Variants in HAO1 observed in about 807,000 individuals in gnomAD.
The protein encoded by HAO1 is 2-Hydroxyacid oxidase 1.
Under a neutral mutation model 39.7 loss-of-function variants are expected in HAO1, and 34 were observed. The observed-to-expected ratio is 0.86, with a 90% confidence interval of 0.65 to 1.14. The LOEUF (loss-of-function observed/expected upper bound fraction) is 1.14. Among genes scored for constraint, HAO1 ranks in the 50% most tolerant of loss-of-function variants. HAO1 has a pLI of 0.00. For missense variants in HAO1, 479 were observed against 464.5 expected, an observed-to-expected ratio of 1.03 and a Z score of -0.29; for synonymous variants, 172 against 173.2, an observed-to-expected ratio of 0.99 and a Z score of 0.05.
intron 4 of HAO1, 130 bp from the exon 5 acceptor site, chr20:7,895,354 A>T: frequency 1.6e-6 from 1 of 640,660 alleles, no homozygotes; most frequent in East Asian, 2.6e-5. Context: ...ATCTTAGCAT[A>T]AAAGTATACC....
chr20:7,926,240 G>A (rs2050358755), intron 2 of HAO1, among the ~76,000 whole-genome samples: 1 of 152,200 alleles, frequency 6.6e-6, no homozygotes. Flanking sequence ...CTTCTCTACT[G>A]TCAAACAGAA....
At chr20:7,929,661 C>A (rs2050377192) in intron 2 of HAO1, among the ~76,000 whole-genome samples, 1 of 152,096 alleles carries the variant, frequency 6.6e-6, no homozygotes, top group African/African-American at 2.4e-5. Flanking sequence ...GTCAGGAGAT[C>A]AAGACCATCC....
chr20:7,892,370 C>A (rs145290519), intron 5 of HAO1, among the ~76,000 whole-genome samples: 1 of 152,164 alleles, frequency 6.6e-6, no homozygotes, highest in Non-Finnish European at 1.5e-5. Context: ...CAGGCGTGAG[C>A]CACCACTTGA....
At chr20:7,900,655 G>A (rs1248728285) in intron 4 of HAO1, among the ~76,000 whole-genome samples, 1 of 152,000 alleles carries the variant, frequency 6.6e-6, no homozygotes, top group Non-Finnish European at 1.5e-5. Flanking sequence ...CTGGCCATTC[G>A]CCCATCTCTC....
intron 4 of HAO1, among the ~76,000 whole-genome samples, chr20:7,896,232 C>T (rs1311505370): frequency 1.3e-5 from 2 of 152,066 alleles, no homozygotes; most frequent in African/African-American, 4.8e-5. Flanking sequence ...TTAGCATGTC[C>T]TAATAACAAA....
At chr20:7,902,843 A>G (rs185775447) in intron 4 of HAO1, among the ~76,000 whole-genome samples, 85 of 152,340 alleles carry the variant, frequency 5.6e-4, no homozygotes, top group Middle Eastern at 3.4e-3. Context: ...GAAGTTCTCT[A>G]AGGGCAGTTT....
chr20:7,936,998 G>A (rs1443998303), intron 1 of HAO1, among the ~76,000 whole-genome samples: 2 of 151,826 alleles, frequency 1.3e-5, no homozygotes, highest in African/African-American at 2.4e-5. Flanking sequence ...CCTCCACTTT[G>A]GAAAAAGAAT....
chr20:7,895,791 T>A (rs2050194696), intron 4 of HAO1, among the ~76,000 whole-genome samples: 1 of 152,204 alleles, frequency 6.6e-6, no homozygotes, highest in Non-Finnish European at 1.5e-5. Flanking sequence ...CTCATGCCTG[T>A]AATCACAGCA....
chr20:7,894,619 C>A (rs545372371), intron 5 of HAO1, among the ~76,000 whole-genome samples: 1 of 152,236 alleles, frequency 6.6e-6, no homozygotes, highest in African/African-American at 2.4e-5. Flanking sequence ...CGGACCTAAG[C>A]CTTTTTTCTC....
At chr20:7,923,937 G>A (rs555700279) in intron 2 of HAO1, among the ~76,000 whole-genome samples, 315 of 152,212 alleles carry the variant, frequency 2.1e-3, no homozygotes, top group Non-Finnish European at 3.6e-3. Flanking sequence ...AAAACGGGAG[G>A]GAAATATGGA....
At chr20:7,909,756 C>T (rs1419240035) in intron 3 of HAO1, among the ~76,000 whole-genome samples, 1 of 151,814 alleles carries the variant, frequency 6.6e-6, no homozygotes, top group African/African-American at 2.4e-5. Flanking sequence ...GATAATGCAA[C>T]ATTAAAGATA....
chr20:7,895,760 A>G (rs2050194430), intron 4 of HAO1, among the ~76,000 whole-genome samples: 1 of 152,116 alleles, frequency 6.6e-6, no homozygotes, highest in Middle Eastern at 3.4e-3. Flanking sequence ...AAATGTATAA[A>G]AAATTGGCCA....
intron 4 of HAO1, among the ~76,000 whole-genome samples, chr20:7,899,796 C>A (rs963592598): frequency 6.6e-6 from 1 of 152,116 alleles, no homozygotes; most frequent in African/African-American, 2.4e-5. Flanking sequence ...TCCCACTTAG[C>A]AAAATGTTCA....
chr20:7,885,420 T>C (rs796435802), intron 7 of HAO1, 101 bp downstream of exon 7: 2 of 779,534 alleles, frequency 2.6e-6, no homozygotes, highest in African/African-American at 1.7e-5. Context: ...TGTACTCAAA[T>C]GATCCCACAC....
At chr20:7,898,332 A>C (rs912346643) in intron 4 of HAO1, among the ~76,000 whole-genome samples, 2 of 152,076 alleles carry the variant, frequency 1.3e-5, no homozygotes, top group Non-Finnish European at 2.9e-5. Flanking sequence ...CTCAAGGTAC[A>C]GTTTTCTGTA....
chr20:7,937,199 C>G (rs2294298), intron 1 of HAO1, among the ~76,000 whole-genome samples: 13,132 of 152,170 alleles, frequency 0.086, 941 homozygotes, highest in South Asian at 0.32. Context: ...ACACTCCTCA[C>G]AAAGTAGCTG....
intron 2 of HAO1, among the ~76,000 whole-genome samples, chr20:7,925,583 A>G (rs2050355393): frequency 6.6e-6 from 1 of 152,172 alleles, no homozygotes; most frequent in Non-Finnish European, 1.5e-5. Flanking sequence ...TAAATGGCAG[A>G]TCATATGGAG....
At chr20:7,899,580 G>C (rs2050212294) in intron 4 of HAO1, among the ~76,000 whole-genome samples, 1 of 152,102 alleles carries the variant, frequency 6.6e-6, no homozygotes, top group Non-Finnish European at 1.5e-5. Context: ...TCTTCAGGTA[G>C]TATTGGGAAT....
Position 7,909,360 on chromosome 20 carries a change from CATATATATATATATATATGTATATAT to C in HAO1, c.546-3057_546-3032del, listed in dbSNP as rs1382035730. 3.9e-4 allele frequency among the ~76,000 whole-genome samples: 43 copies of C among 109,074 alleles called. No homozygotes were observed. In the East Asian group the frequency reaches 4.2e-3, roughly 11 times the overall value. 71.6% of individuals were successfully genotyped at this position (109,074 alleles called of 152,430 possible). A position where few individuals can be genotyped will look rare whatever the true frequency, so the allele number is the denominator to read the frequency against. On this transcript the variant is annotated intron_variant, in intron 3 of 7. Transcript: ENST00000378789. ...AATGCTATTTTTATTCGGATTATGA[CATATATATATATATATATGTATATAT>C]ATATATATATATATATATGCTTAAA... is the stretch of plus-strand genomic sequence containing the variant.
Sources: gnomAD v4.1 joint callset for allele counts (sites outside exome capture counted in the v4.1 genomes callset) on GRCh38, gnomAD v4.1.1 for gene constraint, MANE v1.5 for transcripts, NCBI Gene and HGNC (gene_info 2026-07-23, HGNC 2026-07-21) for gene names.